Variants in LRCH1 observed in about 807,000 individuals in gnomAD.
LRCH1 encodes leucine rich repeats and calponin homology domain containing 1.
In LRCH1, 23 loss-of-function variants were observed where a neutral mutation model predicts 94.9. The observed-to-expected ratio is 0.24, with a 90% CI of 0.17 to 0.34. The LOEUF (loss-of-function observed/expected upper bound fraction) is 0.34, where lower values mean the gene tolerates loss of function less well. Ranked by LOEUF, LRCH1 falls within the 10% of genes least tolerant of loss-of-function variation. The probability of loss-of-function intolerance (pLI) is 1.00; values close to 1 mark genes in which losing one functional copy is unlikely to be tolerated. For missense variants in LRCH1, 790 were observed against 945.9 expected (o/e 0.84, Z 2.16); for synonymous variants, 364 against 354.9 (o/e 1.03, Z -0.29).
chr13:46,752,859 CTTTT>C (rs1221854737), exon 19 of LRCH1: 1 of 151,672 alleles, frequency 6.6e-6, no homozygotes, highest in Non-Finnish European at 1.5e-5. Context: ...TGTAAAATTG[CTTTT>C]TTTTCTTTTA....
At chr13:46,660,063 G>A (rs1297633155) in intron 2 of LRCH1, among the ~76,000 whole-genome samples, 42 of 110,850 alleles carry the variant, frequency 3.8e-4, no homozygotes, top group African/African-American at 1.4e-3. Flanking sequence ...ACAGGCTGGA[G>A]TGCAGTGGCG....
chr13:46,678,007 G>T (rs1170772568), intron 3 of LRCH1, among the ~76,000 whole-genome samples: 1 of 152,108 alleles, frequency 6.6e-6, no homozygotes, highest in Non-Finnish European at 1.5e-5. Context: ...ATTCAGAAGG[G>T]ATTCATTTGA....
intron 7 of LRCH1, among the ~76,000 whole-genome samples, chr13:46,690,028 C>A (rs1352502398): frequency 1.3e-5 from 2 of 151,434 alleles, no homozygotes; most frequent in African/African-American, 4.9e-5. Context: ...AGGCCAGTCA[C>A]CCCATCAAAG....
intron 15 of LRCH1, 108 bp downstream of exon 15, chr13:46,712,705 G>A (rs1872132510): frequency 4.9e-6 from 5 of 1,028,084 alleles, no homozygotes; most frequent in Non-Finnish European, 7.4e-6. Flanking sequence ...GTTCTGCTGA[G>A]CCGAAATCCT....
intron 1 of LRCH1, among the ~76,000 whole-genome samples, chr13:46,582,308 A>G (rs2050377441): frequency 6.6e-6 from 1 of 151,420 alleles, no homozygotes; most frequent in South Asian, 2.1e-4. Flanking sequence ...GCATGTTGAA[A>G]GACACAAAGG....
At chr13:46,601,708 C>T (rs2050630756) in intron 1 of LRCH1, among the ~76,000 whole-genome samples, 1 of 152,200 alleles carries the variant, frequency 6.6e-6, no homozygotes, top group Non-Finnish European at 1.5e-5. Flanking sequence ...GCCCAATCAC[C>T]TTCCAAGCCC....
At chr13:46,642,360 G>A (rs2051168991) in intron 1 of LRCH1, among the ~76,000 whole-genome samples, 1 of 152,156 alleles carries the variant, frequency 6.6e-6, no homozygotes, top group African/African-American at 2.4e-5. Context: ...ATACAAACCT[G>A]GATTAGTTCT....
intron 1 of LRCH1, among the ~76,000 whole-genome samples, chr13:46,604,941 G>A (rs2050671258): frequency 6.6e-6 from 1 of 152,152 alleles, no homozygotes; most frequent in Non-Finnish European, 1.5e-5. Flanking sequence ...TATGGCCTAA[G>A]GTATAATGAA....
At chr13:46,693,950 G>C (rs761577464) in intron 8 of LRCH1, among the ~76,000 whole-genome samples, 3 of 152,120 alleles carry the variant, frequency 2.0e-5, no homozygotes, top group Admixed American at 6.5e-5. Flanking sequence ...TCAAACCTTA[G>C]TGTTGGCTTT....
intron 1 of LRCH1, among the ~76,000 whole-genome samples, chr13:46,567,593 G>A (rs571192614): frequency 2.0e-5 from 3 of 150,972 alleles, no homozygotes; most frequent in South Asian, 2.1e-4. Flanking sequence ...TCATTCCATC[G>A]GTTATAGGCT....
chr13:46,741,748 C>A lies in LRCH1; in HGVS notation c.2192C>A (p.Ser731Tyr). 6.2e-7 allele frequency: 1 copy of A among 1,614,234 alleles called. No homozygotes were observed. The highest frequency in any genetic ancestry group is 1.6e-4 in the Middle Eastern group (1 of 6,062). ...GGGGAGAAAGCCCCACCACCAACTT[C>A]TGCCCTCCGCTCCAGGGACCTTATA... Reference protein sequence around the residue: ...ALGEKAPPPTSALRSRDLIGF... With the variant: ...ALGEKAPPPTYALRSRDLIGF... The change falls in exon 20 of 20, where the codon TCT becomes TAT. Residue 731 changes from serine to tyrosine, a missense_variant. By Grantham distance (144) the Ser-to-Tyr change is moderately radical. Around this residue, in one of 3 missense-constraint regions of LRCH1, gnomAD observed 460 missense variants for 508.9 expected, o/e 0.90. Transcript: ENST00000389797.
At chr13:46,578,561 G>T (rs1279670509) in intron 1 of LRCH1, among the ~76,000 whole-genome samples, 3 of 152,170 alleles carry the variant, frequency 2.0e-5, no homozygotes, top group African/African-American at 7.2e-5. Flanking sequence ...CAGCATTTCA[G>T]CCAGAAGTAC....
At chr13:46,633,945 TC>T (rs1293850455) in intron 1 of LRCH1, among the ~76,000 whole-genome samples, 1 of 150,218 alleles carries the variant, frequency 6.7e-6, no homozygotes, top group Non-Finnish European at 1.5e-5. Context: ...AGTGGCACGA[TC>T]TCAGTTCACT....
At position 46,743,332 on chromosome 13, in the gene LRCH1, G is replaced by C. The variant is rs1873759710; in HGVS notation, c.*1484G>C. On this transcript the variant is annotated 3_prime_UTR_variant, in exon 20 of 20. Transcript: ENST00000389797. ...CTTGCTGCTAAGTCAGATCAGATTT[G>C]CTAACAGGAAGCATTCTTTACATGA... 1 of 985,716 alleles carries C rather than the reference G, an allele frequency of 1.0e-6. No individual in the cohort carries two copies. Among genetic ancestry groups the C allele is most frequent in the Admixed American group, 6.1e-5 (1 of 16,262 alleles). 61.1% of individuals were successfully genotyped at this position (985,716 alleles called of 1,614,324 possible).
chr13:46,619,897 T>C (rs2050861454), intron 1 of LRCH1, among the ~76,000 whole-genome samples: 2 of 152,202 alleles, frequency 1.3e-5, no homozygotes, highest in South Asian at 4.1e-4. Context: ...TACCAGTAAC[T>C]CATTTTCCAA....
intron 3 of LRCH1, among the ~76,000 whole-genome samples, chr13:46,669,403 T>C (rs1372193336): frequency 1.3e-5 from 2 of 152,218 alleles, no homozygotes; most frequent in East Asian, 3.8e-4. Flanking sequence ...ATTTGCCGTT[T>C]TTGAAGTTTA....
intron 1 of LRCH1, among the ~76,000 whole-genome samples, chr13:46,644,040 G>C (rs1054613365): frequency 1.3e-5 from 2 of 152,308 alleles, no homozygotes; most frequent in Admixed American, 6.5e-5. Flanking sequence ...TAATAAAGCT[G>C]TTCTTGCTTG....
chr13:46,604,198 C>G (rs774031989), intron 1 of LRCH1, among the ~76,000 whole-genome samples: 3 of 152,072 alleles, frequency 2.0e-5, no homozygotes, highest in African/African-American at 7.2e-5. Flanking sequence ...CATACTTATA[C>G]TAAAAGATTG....
chr13:46,606,150 G>A (rs1167748505), intron 1 of LRCH1, among the ~76,000 whole-genome samples: 1 of 21,158 alleles, frequency 4.7e-5, no homozygotes, highest in African/African-American at 1.1e-4. Flanking sequence ...TTAACCTTAT[G>A]TGTGTGTGTG....
Sources: allele counts gnomAD v4.1 joint callset (sites outside exome capture counted in the v4.1 genomes callset), GRCh38; gene constraint gnomAD v4.1.1; regional missense constraint gnomAD v4.1.1; transcripts MANE v1.5; gene names NCBI Gene and HGNC (gene_info 2026-07-23, HGNC 2026-07-21).